SURF4: variants seen among roughly 807,000 people sequenced by gnomAD.
The protein encoded by SURF4 is surfeit 4.
Under a neutral mutation model 30.0 loss-of-function variants are expected in SURF4, and 3 were observed. The ratio of observed to expected loss-of-function variants is 0.10; its 90% CI spans 0.05 to 0.26. SURF4 has a LOEUF of 0.26. Ranked by LOEUF, SURF4 falls within the 10% of genes least tolerant of loss-of-function variation. The pLI is 1.00. For synonymous variants in SURF4, 143 were observed against 139.9 expected (o/e 1.02, Z -0.16); for missense variants, 217 against 350.8 (o/e 0.62, Z 3.05).
intron 5 of SURF4, among the ~76,000 whole-genome samples, chr9:133,364,509 G>A (rs1564361529): frequency 6.6e-6 from 1 of 152,068 alleles, no homozygotes; most frequent in Admixed American, 6.6e-5. Context: ...TGGCTAACAC[G>A]GTGAAACCCT....
intron 1 of SURF4, among the ~76,000 whole-genome samples, chr9:133,369,066 C>T (rs1837350753): frequency 6.6e-6 from 1 of 152,206 alleles, no homozygotes; most frequent in Non-Finnish European, 1.5e-5. Flanking sequence ...AGTTACCACG[C>T]CCCTGGGTGT....
chr9:133,367,184 CA>C (rs1375075867), intron 2 of SURF4, 74 bp downstream of exon 2: 6 of 1,547,776 alleles, frequency 3.9e-6, no homozygotes. Context: ...CCCGAGTTCA[CA>C]CACAGCCTCC....
chr9:133,370,791 C>G, intron 1 of SURF4: 1 of 1,056,744 alleles, frequency 9.5e-7, no homozygotes, highest in Non-Finnish European at 1.3e-6. Flanking sequence ...CAGTCCCCCT[C>G]CCCCCCATTA....
At chr9:133,368,829 C>T (rs1021095747) in intron 1 of SURF4, among the ~76,000 whole-genome samples, 3 of 152,086 alleles carry the variant, frequency 2.0e-5, no homozygotes, top group African/African-American at 7.2e-5. Context: ...GCAAGTCCTT[C>T]GGAGAAAGAT....
At chr9:133,374,249 T>C (rs1177789192) in intron 1 of SURF4, among the ~76,000 whole-genome samples, 1 of 152,120 alleles carries the variant, frequency 6.6e-6, no homozygotes, top group East Asian at 1.9e-4. Flanking sequence ...ATATGAATTG[T>C]TTTTAAAATT....
chr9:133,376,363 C>G (rs2130246935), upstream of SURF4: 174 of 1,397,264 alleles, frequency 1.2e-4, 1 homozygote, highest in Middle Eastern at 1.8e-3. Flanking sequence ...GGGAGGGACG[C>G]CTGAGTGCCT....
intron 1 of SURF4, among the ~76,000 whole-genome samples, chr9:133,373,632 A>G (rs1837637794): frequency 6.6e-6 from 1 of 151,572 alleles, no homozygotes; most frequent in Admixed American, 6.6e-5. Flanking sequence ...AAACATGAAG[A>G]AAAGGCAGGG....
At chr9:133,367,679 T>G in intron 1 of SURF4, 5 of 1,208,626 alleles carry the variant, frequency 4.1e-6, no homozygotes, top group Non-Finnish European at 5.6e-6. Flanking sequence ...CGGAGATGCA[T>G]GACTTGACGT....
chr9:133,376,472 T>A, upstream of SURF4: 2 of 1,585,226 alleles, frequency 1.3e-6, no homozygotes, highest in Non-Finnish European at 1.7e-6. Flanking sequence ...TCGCTACTGA[T>A]CATGCTTGGG....
chr9:133,367,085 C>G (rs1837216916), intron 2 of SURF4, among the ~76,000 whole-genome samples, 174 bp downstream of exon 2: 1 of 152,318 alleles, frequency 6.6e-6, no homozygotes, highest in South Asian at 2.1e-4. Flanking sequence ...CTAAGCGTCC[C>G]CACCAAGGCT....
chr9:133,377,097 G>T (rs1056000228), upstream of SURF4, among the ~76,000 whole-genome samples: 1 of 152,156 alleles, frequency 6.6e-6, no homozygotes, highest in Non-Finnish European at 1.5e-5. Flanking sequence ...AACAGTTTGC[G>T]GGTTAGATTT....
At position 133,363,505 on chromosome 9, in the gene SURF4, C is replaced by T; in HGVS notation, c.798G>A (p.Lys266=). 1 of 1,614,216 alleles carries T rather than the reference C, an allele frequency of 6.2e-7. No homozygotes were observed. The highest frequency in any genetic ancestry group is 1.3e-5 in the African/African-American group (1 of 75,050). ...GPGGVSMDEK[K]KEW ...GGATCTGTGACTGTTACCACTCCTTCTTCTTCTCATCCATGGAGACACCCC... is the reference window on the plus strand; with the variant it reads ...GGATCTGTGACTGTTACCACTCCTTTTTCTTCTCATCCATGGAGACACCCC... The change falls in exon 6 of 6, where the codon AAG becomes AAA. Residue 266 remains lysine (K), a synonymous_variant. Coordinates refer to ENST00000371989, the MANE Select transcript of SURF4 (RefSeq NM_033161.4). This position sits in a 1 kb window ranked among gnomAD's most constrained non-coding sequence, Gnocchi z 4.3.
intron 1 of SURF4, among the ~76,000 whole-genome samples, chr9:133,373,667 C>T (rs1837641493): frequency 6.6e-6 from 1 of 151,880 alleles, no homozygotes; most frequent in African/African-American, 2.4e-5. Context: ...CCTGTAATCC[C>T]AGCACTTTGG....
intron 2 of SURF4, 27 bp from the exon 3 acceptor site, chr9:133,366,702 G>C: frequency 6.2e-7 from 1 of 1,609,908 alleles, no homozygotes; most frequent in South Asian, 1.1e-5. Flanking sequence ...GGGTTAGGGG[G>C]CCTGAGGGTG....
intron 5 of SURF4, among the ~76,000 whole-genome samples, chr9:133,364,574 C>T (rs1256437967): frequency 6.6e-6 from 1 of 152,058 alleles, no homozygotes. Flanking sequence ...CGCCTGTAGT[C>T]CCAGCTGCTC....
Position 133,363,975 on chromosome 9 carries a change from G to C in SURF4, c.544-216C>G. 1 of 719,586 alleles carries C rather than the reference G, an allele frequency of 1.4e-6. No homozygotes were observed. Among genetic ancestry groups the C allele is most frequent in the Non-Finnish European group, 2.6e-6 (1 of 391,476 alleles). 44.6% of individuals were successfully genotyped at this position (719,586 alleles called of 1,614,324 possible). On this transcript the variant is annotated intron_variant, in intron 5 of 5. Coordinates refer to ENST00000371989, the MANE Select transcript of SURF4 (RefSeq NM_033161.4). The surrounding 1 kb of genome is among the most constrained non-coding windows in gnomAD (Gnocchi z 4.3). ...TTTGAAATGTGGAAGGTTTGGGGAA[G>C]ACTGAAGTTCCCAACTAGTAACAGG...
chr9:133,376,323 C>CG (rs1180636246), upstream of SURF4: 2 of 1,360,626 alleles, frequency 1.5e-6, no homozygotes, highest in African/African-American at 1.5e-5. Flanking sequence ...TTTAAGGGGG[C>CG]GGGGACCTGG....
At chr9:133,375,074 CTTTTGT>C (rs2130232553) in intron 1 of SURF4, among the ~76,000 whole-genome samples, 11 of 152,320 alleles carry the variant, frequency 7.2e-5, no homozygotes, top group African/African-American at 2.4e-4. Context: ...CCACCACCAC[CTTTTGT>C]TTTTGTTTTT....
chr9:133,365,200 C>T (rs2130114773), intron 4 of SURF4, among the ~76,000 whole-genome samples, 174 bp from the exon 5 acceptor site: 1,879 of 152,180 alleles, frequency 0.012, 30 homozygotes, highest in African/African-American at 0.036. Context: ...ACCTCAGACT[C>T]GAGTTACACC....
Sources: allele counts gnomAD v4.1 joint callset (sites outside exome capture counted in the v4.1 genomes callset), GRCh38; gene constraint gnomAD v4.1.1; non-coding constraint Gnocchi (gnomAD v3.1); transcripts MANE v1.5; gene names NCBI Gene and HGNC (gene_info 2026-07-23, HGNC 2026-07-21).